FOXP1: variants seen among roughly 807,000 people sequenced by gnomAD.
FOXP1 encodes forkhead box P1.
In FOXP1, 15 loss-of-function variants were observed where a neutral mutation model predicts 98.2. The observed-to-expected ratio is 0.15, with a 90% CI of 0.10 to 0.24. FOXP1 has a LOEUF of 0.24. Among genes scored for constraint, FOXP1 ranks in the 10% least tolerant of loss-of-function variants. The pLI is 1.00. For synonymous variants in FOXP1, 371 were observed against 314.5 expected (o/e 1.18, Z -1.90); for missense variants, 633 against 848.5 (o/e 0.75, Z 3.15).
chr3:71,190,645 A>G (rs932819053), intron 6 of FOXP1, among the ~76,000 whole-genome samples: 3 of 150,636 alleles, frequency 2.0e-5, no homozygotes, highest in Non-Finnish European at 4.4e-5. Context: ...CTCCAAAAAA[A>G]AAAAAAAAAA....
chr3:71,457,158 G>A (rs1423420416), intron 3 of FOXP1, among the ~76,000 whole-genome samples: 1 of 151,574 alleles, frequency 6.6e-6, no homozygotes, highest in Non-Finnish European at 1.5e-5. Flanking sequence ...AAATCAGGGT[G>A]AAAGTGACAG....
intron 6 of FOXP1, among the ~76,000 whole-genome samples, chr3:71,187,102 T>C (rs1053437225): frequency 6.6e-6 from 1 of 152,250 alleles, no homozygotes; most frequent in Admixed American, 6.5e-5. Flanking sequence ...TGCAGAGTTA[T>C]AGTGCCTTAT....
chr3:71,401,494 C>G (rs769082590), intron 3 of FOXP1, among the ~76,000 whole-genome samples: 6 of 152,328 alleles, frequency 3.9e-5, no homozygotes, highest in Admixed American at 6.5e-5. Flanking sequence ...GGATGAGAGG[C>G]AGCAGCTGAA....
At chr3:71,454,517 A>C (rs988684185) in intron 3 of FOXP1, among the ~76,000 whole-genome samples, 8 of 152,142 alleles carry the variant, frequency 5.3e-5, no homozygotes, top group Admixed American at 6.6e-5. Flanking sequence ...CTGAACCTTG[A>C]GGTTCCAAGT....
In FOXP1 at chr3:71,526,969, A is replaced by G. The variant is rs553150620; in HGVS notation, c.-297-33414T>C. Reference sequence around the variant, plus strand: ...GCAACAAGAGTATAACTCCAACTCAAAAAAAAAAAAAAAAAAAGTTCCCCT... The same window carrying G: ...GCAACAAGAGTATAACTCCAACTCAGAAAAAAAAAAAAAAAAAGTTCCCCT... On this transcript the variant is annotated intron_variant, in intron 2 of 20. Transcript: ENST00000649528. Among the ~76,000 whole-genome samples the G allele has an allele frequency of 2.1e-5, 3 of 143,628 alleles. No homozygotes were observed. In the South Asian group the frequency reaches 6.4e-4, roughly 30 times the overall value. 94.2% of individuals were successfully genotyped at this position (143,628 alleles called of 152,430 possible). A position where few individuals can be genotyped will look rare whatever the true frequency, so the allele number is the denominator to read the frequency against.
At chr3:71,052,232 C>A (rs1239240129) in intron 9 of FOXP1, among the ~76,000 whole-genome samples, 1 of 152,120 alleles carries the variant, frequency 6.6e-6, no homozygotes, top group Non-Finnish European at 1.5e-5. Flanking sequence ...TTCACTTCTC[C>A]CAGCTCCATC....
At chr3:71,463,190 C>G (rs1480035854) in intron 3 of FOXP1, among the ~76,000 whole-genome samples, 3 of 151,894 alleles carry the variant, frequency 2.0e-5, no homozygotes, top group Non-Finnish European at 4.4e-5. Context: ...TGGTGAAACC[C>G]CGACTCTACT....
At chr3:71,130,873 A>G in intron 6 of FOXP1, 1 of 1,405,868 alleles carries the variant, frequency 7.1e-7, no homozygotes, top group Non-Finnish European at 9.2e-7. Context: ...TGCCACACAT[A>G]TCTAAACCGC....
At chr3:71,531,867 G>A (rs2043879389) in intron 2 of FOXP1, among the ~76,000 whole-genome samples, 1 of 152,188 alleles carries the variant, frequency 6.6e-6, no homozygotes. Flanking sequence ...ATGTAGGTAA[G>A]TGGAGGACGC....
chr3:70,978,866 C>T (rs2038167013), intron 14 of FOXP1, among the ~76,000 whole-genome samples: 1 of 152,078 alleles, frequency 6.6e-6, no homozygotes, highest in Non-Finnish European at 1.5e-5. Flanking sequence ...TACGGGAGAT[C>T]TGCAACTGAG....
intron 6 of FOXP1, among the ~76,000 whole-genome samples, chr3:71,193,142 GTTGT>G (rs1214428409): frequency 6.6e-6 from 1 of 150,924 alleles, no homozygotes; most frequent in African/African-American, 2.4e-5. Context: ...TGTTGTTGTT[GTTGT>G]TTATTTGTGT....
intron 9 of FOXP1, among the ~76,000 whole-genome samples, chr3:71,050,043 G>A (rs544186374): frequency 6.6e-6 from 1 of 152,214 alleles, no homozygotes; most frequent in Non-Finnish European, 1.5e-5. Context: ...CAAACCTAGC[G>A]ACCTGGAGAT....
chr3:70,971,365 C>CAGATCTGG (rs2036199113), intron 18 of FOXP1: 1 of 163,688 alleles, frequency 6.1e-6, no homozygotes, highest in African/African-American at 2.4e-5. Context: ...ATGTCTTAGC[C>CAGATCTGG]AGATCTGGGA....
At chr3:71,309,716 T>A (rs1300827464) in intron 4 of FOXP1, among the ~76,000 whole-genome samples, 1 of 152,156 alleles carries the variant, frequency 6.6e-6, no homozygotes. Context: ...CAAACTAGCA[T>A]CTTTTGAATT....
chr3:71,184,769 G>A (rs573741001), intron 6 of FOXP1, among the ~76,000 whole-genome samples: 1 of 128,804 alleles, frequency 7.8e-6, no homozygotes, highest in Non-Finnish European at 1.6e-5. Flanking sequence ...TTTTTTTTTT[G>A]GGGGGGGCAT....
At chr3:71,257,226 G>A (rs570706797) in intron 5 of FOXP1, among the ~76,000 whole-genome samples, 91 of 152,270 alleles carry the variant, frequency 6.0e-4, no homozygotes, top group Admixed American at 1.6e-3. Flanking sequence ...GGCTGAACCT[G>A]CAAGTCAGGA....
chr3:71,204,110 C>T (rs1250536131), intron 5 of FOXP1, among the ~76,000 whole-genome samples: 1 of 152,194 alleles, frequency 6.6e-6, no homozygotes, highest in Non-Finnish European at 1.5e-5. Context: ...AAGGATGAGA[C>T]TCAGACTAGC....
chr3:71,110,088 G>A (rs954282778), intron 7 of FOXP1, among the ~76,000 whole-genome samples: 13 of 152,028 alleles, frequency 8.6e-5, no homozygotes, highest in South Asian at 8.3e-4. Flanking sequence ...CAAGAAAAAC[G>A]GAGCCCTCTA....
chr3:71,196,359 T>A (rs557368074), intron 6 of FOXP1, among the ~76,000 whole-genome samples: 2 of 152,318 alleles, frequency 1.3e-5, no homozygotes, highest in South Asian at 4.1e-4. Flanking sequence ...CAATTTGTTA[T>A]CACTGTTGTG....
Sources: allele counts gnomAD v4.1 joint callset (sites outside exome capture counted in the v4.1 genomes callset), GRCh38; gene constraint gnomAD v4.1.1; transcripts MANE v1.5; gene names NCBI Gene and HGNC (gene_info 2026-07-23, HGNC 2026-07-21).